The following SLC25A26 variants were observed in gnomAD, a reference collection of about 807,000 sequenced individuals.
SLC25A26 encodes the protein mitochondrial S-adenosylmethionine carrier protein.
In SLC25A26, 36 loss-of-function variants were observed where a neutral mutation model predicts 37.8. The observed-to-expected ratio is 0.95, with a 90% CI of 0.73 to 1.26. The LOEUF is 1.26. Among genes scored for constraint, SLC25A26 ranks in the 50% most tolerant of loss-of-function variants. The pLI, the probability that SLC25A26 is intolerant of heterozygous loss-of-function variation, is 0.00. For missense variants in SLC25A26, 390 were observed against 331.1 expected, an observed-to-expected ratio of 1.18 and a Z score of -1.38; for synonymous variants, 129 against 122.5, an observed-to-expected ratio of 1.05 and a Z score of -0.35.
intron 1 of SLC25A26, among the ~76,000 whole-genome samples, chr3:66,140,555 A>T (rs560246880): frequency 2.0e-5 from 3 of 152,308 alleles, no homozygotes; most frequent in South Asian, 4.1e-4. Flanking sequence ...AACATACAGG[A>T]TGCACGCTGA....
At chr3:66,263,428 T>G in intron 5 of SLC25A26, 49 bp downstream of exon 5, 1 of 1,216,170 alleles carries the variant, frequency 8.2e-7, no homozygotes, top group Admixed American at 1.9e-5. Context: ...TGATGTCCTT[T>G]GTTCAGTAAA....
In SLC25A26 at chr3:66,176,311, T is replaced by C. The variant is rs2070586197; in HGVS notation, c.-354+42327T>C. Among the ~76,000 whole-genome samples the C allele has an allele frequency of 2.0e-5, 3 of 152,040 alleles. No individual in the cohort carries two copies. In the South Asian group the frequency reaches 6.2e-4, roughly 32 times the overall value. On this transcript the variant is annotated intron_variant, in intron 1 of 10. Coordinates refer to the SLC25A26 transcript ENST00000676754. Reference sequence around the variant, plus strand: ...GTGTCTTCCATCGAAACTAAGAAAGTGTTGAGATGTTATATAAGCATAAAG... The same window carrying C: ...GTGTCTTCCATCGAAACTAAGAAAGCGTTGAGATGTTATATAAGCATAAAG...
At chr3:66,285,270 A>AT (rs200449650) in intron 5 of SLC25A26, among the ~76,000 whole-genome samples, 2 of 151,958 alleles carry the variant, frequency 1.3e-5, no homozygotes, top group Non-Finnish European at 2.9e-5. Context: ...CATTATTATT[A>AT]TTTTTTTTAA....
intron 5 of SLC25A26, among the ~76,000 whole-genome samples, chr3:66,300,256 G>GTTTTTTTTTTTT (rs916553948): frequency 6.9e-5 from 8 of 116,660 alleles, no homozygotes; most frequent in Non-Finnish European, 9.1e-5. Context: ...TTTTTGTTTT[G>GTTTTTTTTTTTT]TTTTTTTTTT....
At chr3:66,346,763 T>G (rs2076336047) in intron 6 of SLC25A26, among the ~76,000 whole-genome samples, 1 of 142,352 alleles carries the variant, frequency 7.0e-6, no homozygotes, top group East Asian at 2.0e-4. Flanking sequence ...TGTGTGTGTT[T>G]AGAAGTTAAA....
At chr3:66,226,955 A>G (rs1390588800) in intron 1 of SLC25A26, among the ~76,000 whole-genome samples, 1 of 148,062 alleles carries the variant, frequency 6.8e-6, no homozygotes, top group Non-Finnish European at 1.5e-5. Context: ...AACATTAATA[A>G]CTTAATTTTT....
chr3:66,262,997 CAT>C (rs767348342), intron 4 of SLC25A26, among the ~76,000 whole-genome samples: 3 of 152,092 alleles, frequency 2.0e-5, no homozygotes, highest in African/African-American at 4.8e-5. Context: ...CAAGAGAACA[CAT>C]GTTAGAGCAA....
At chr3:66,300,256 G>GTTT (rs916553948) in intron 5 of SLC25A26, among the ~76,000 whole-genome samples, 14 of 116,664 alleles carry the variant, frequency 1.2e-4, no homozygotes, top group Non-Finnish European at 2.2e-4. Flanking sequence ...TTTTTGTTTT[G>GTTT]TTTTTTTTTT....
At chr3:66,356,233 TGG>T (rs2076572232) in intron 6 of SLC25A26, 18 of 373,184 alleles carry the variant, frequency 4.8e-5, no homozygotes, top group Non-Finnish European at 9.4e-5. Flanking sequence ...GGTCTGGGGT[TGG>T]ACTCCCAGCC....
At chr3:66,344,856 T>C (rs2076284580) in intron 5 of SLC25A26, among the ~76,000 whole-genome samples, 1 of 152,192 alleles carries the variant, frequency 6.6e-6, no homozygotes, top group Non-Finnish European at 1.5e-5. Flanking sequence ...CTCCTGGGGA[T>C]AGTAGTAGTT....
intron 5 of SLC25A26, among the ~76,000 whole-genome samples, chr3:66,312,186 C>T (rs889622419): frequency 2.0e-5 from 3 of 152,190 alleles, no homozygotes; most frequent in African/African-American, 7.2e-5. Context: ...CAGAGATGCC[C>T]TGCCCAGTGA....
intron 1 of SLC25A26, among the ~76,000 whole-genome samples, chr3:66,153,747 G>A (rs2070239015): frequency 6.6e-6 from 1 of 152,212 alleles, no homozygotes. Context: ...AGCCCTGGCA[G>A]CTCTTCCCCT....
intron 5 of SLC25A26, among the ~76,000 whole-genome samples, chr3:66,299,547 A>C (rs147973201): frequency 6.6e-6 from 1 of 152,162 alleles, no homozygotes; most frequent in African/African-American, 2.4e-5. Context: ...TGTAAAAACT[A>C]TGTTAACCCC....
rs193067327 is a variant in SLC25A26 at position 66,269,056 on chromosome 3, C to G, written c.453+5677C>G. On this transcript the variant is annotated intron_variant, in intron 5 of 9. Coordinates refer to ENST00000354883, the MANE Select transcript of SLC25A26 (RefSeq NM_001379210.1). ...AAACACCCAAGTGTGGAATGCAGCT[C>G]TGTCCCTTACCAGCCATCTGCTCCT... Among the ~76,000 whole-genome samples, 616 of 152,342 alleles carry G rather than the reference C, an allele frequency of 4.0e-3. 5 individuals are homozygous for G. The highest frequency in any genetic ancestry group is 5.1e-3 in the Non-Finnish European group (347 of 68,034).
At chr3:66,310,011 A>G (rs144444731) in intron 5 of SLC25A26, among the ~76,000 whole-genome samples, 6 of 152,194 alleles carry the variant, frequency 3.9e-5, no homozygotes, top group Non-Finnish European at 8.8e-5. Flanking sequence ...GATGTCAGTC[A>G]GGTCCCCTCG....
chr3:66,206,705 CTT>C (rs1315135962), intron 1 of SLC25A26, among the ~76,000 whole-genome samples: 32 of 132,818 alleles, frequency 2.4e-4, no homozygotes, highest in Non-Finnish European at 2.9e-4. Context: ...CTTACAGGTT[CTT>C]TTTTTTTTTT....
intron 2 of SLC25A26, among the ~76,000 whole-genome samples, chr3:66,240,103 C>T (rs1438511795): frequency 6.6e-6 from 1 of 152,060 alleles, no homozygotes; most frequent in Non-Finnish European, 1.5e-5. Context: ...GATCCTTTTG[C>T]TCTGTGATAG....
intron 5 of SLC25A26, among the ~76,000 whole-genome samples, chr3:66,318,517 G>T (rs2075603368): frequency 6.6e-6 from 1 of 151,902 alleles, no homozygotes; most frequent in Admixed American, 6.6e-5. Flanking sequence ...TGCCTCGTCA[G>T]TCCCAATGAG....
intron 2 of SLC25A26, among the ~76,000 whole-genome samples, chr3:66,241,227 C>T (rs1398311662): frequency 6.6e-6 from 1 of 152,068 alleles, no homozygotes; most frequent in African/African-American, 2.4e-5. Context: ...TCACCCAACC[C>T]TACACATTGT....
Sources: allele counts gnomAD v4.1 joint callset (sites outside exome capture counted in the v4.1 genomes callset), GRCh38; gene constraint gnomAD v4.1.1; transcripts MANE v1.5; gene names NCBI Gene and HGNC (gene_info 2026-07-23, HGNC 2026-07-21).